The following SIGLEC12 variants were observed in gnomAD, a reference collection of about 807,000 sequenced individuals.
The protein encoded by SIGLEC12 is sialic acid-binding Ig-like lectin 12.
SIGLEC12 carries 43 observed loss-of-function variants against 54.1 expected under a neutral mutation model. That is an observed-to-expected ratio of 0.80 (90% CI 0.62 to 1.03). SIGLEC12 has a LOEUF of 1.03. Ranked by LOEUF, SIGLEC12 falls within the 50% of genes least tolerant of loss-of-function variation. The pLI is 0.00. For missense variants in SIGLEC12, 802 were observed against 735.2 expected (o/e 1.09, Z -1.05); for synonymous variants, 357 against 307.6 (o/e 1.16, Z -1.68).
At chr19:51,495,358 CGGGT>C (rs1328895771) in intron 7 of SIGLEC12, among the ~76,000 whole-genome samples, 3 of 25,712 alleles carry the variant, frequency 1.2e-4, no homozygotes, top group African/African-American at 4.3e-4. Context: ...GATGGACAGA[CGGGT>C]GGGTGGATGG....
chr19:51,499,307 G>A (rs772724572), intron 3 of SIGLEC12, 90 bp from the exon 4 acceptor site: 27 of 1,583,316 alleles, frequency 1.7e-5, no homozygotes, highest in Non-Finnish European at 2.2e-5. Flanking sequence ...GGGGAAGGTG[G>A]AGCCAGCATC....
In SIGLEC12 at chr19:51,491,632, T is replaced by C; in HGVS notation, c.*9A>G. 2.5e-6 allele frequency: 4 copies of C among 1,613,992 alleles called. No homozygotes were observed. Among genetic ancestry groups the C allele is most frequent in the Non-Finnish European group, 3.4e-6 (4 of 1,179,974 alleles). On this transcript the variant is annotated 3_prime_UTR_variant, in exon 8 of 8. Transcript: ENST00000291707. The stretch of plus-strand genomic sequence containing the variant: ...GAGCCCTCAAACAGGCCTGAGTCTC[T>C]GCAGTTTCTCACTTGGGGATGTTGA...
intron 7 of SIGLEC12, 95 bp downstream of exon 7, chr19:51,496,784 AG>A: frequency 2.1e-6 from 3 of 1,409,272 alleles, no homozygotes; most frequent in Non-Finnish European, 3.0e-6. Context: ...TTTCGGCTGT[AG>A]GGGAAGAAAG....
chr19:51,495,080 G>T (rs73051325), intron 7 of SIGLEC12, among the ~76,000 whole-genome samples: 17,004 of 150,948 alleles, frequency 0.11, 1,112 homozygotes, highest in Middle Eastern at 0.25. Context: ...TAATAAAGTT[G>T]AGGTGGTAAA....
rs749672018 is a variant in SIGLEC12 at position 51,499,648 on chromosome 19, A to T, written c.877T>A (p.Cys293Ser). The T allele has an allele frequency of 6.2e-7, 1 of 1,614,018 alleles. No homozygotes were observed. Among genetic ancestry groups the T allele is most frequent in the Non-Finnish European group, 8.5e-7 (1 of 1,179,956 alleles). The change falls in exon 3 of 8, where the codon TGC (cysteine) becomes AGC (serine). Residue 293 changes from cysteine (C) to serine (S), a missense_variant. Coordinates refer to ENST00000291707, the MANE Select transcript of SIGLEC12 (RefSeq NM_053003.4). ...TGTTCACAGGCCCAGGGCACAGAGC[A>T]GGTCAGGTTCCTGGGGTGGCCAGAC... ...LESGHPRNLT[C>S]SVPWACEQGT...
At chr19:51,491,965 TC>T in intron 7 of SIGLEC12, 136 bp from the exon 8 acceptor site, 1 of 585,524 alleles carries the variant, frequency 1.7e-6, no homozygotes, top group South Asian at 2.7e-5. Flanking sequence ...TTTAATACGT[TC>T]CTCTAATGTC....
chr19:51,492,193 G>A (rs1264029562), intron 7 of SIGLEC12, among the ~76,000 whole-genome samples: 1 of 152,216 alleles, frequency 6.6e-6, no homozygotes, highest in Non-Finnish European at 1.5e-5. Flanking sequence ...CCTCCTGTGT[G>A]TGAGTTCCTG....
At chr19:51,495,440 G>GATGGATGT (rs1253344140) in intron 7 of SIGLEC12, among the ~76,000 whole-genome samples, 1 of 149,310 alleles carries the variant, frequency 6.7e-6, no homozygotes, top group Admixed American at 6.7e-5. Flanking sequence ...TGGATGGATG[G>GATGGATGT]ATGGACTGAC....
At chr19:51,495,691 C>T (rs1211135686) in intron 7 of SIGLEC12, among the ~76,000 whole-genome samples, 2 of 152,156 alleles carry the variant, frequency 1.3e-5, no homozygotes, top group Non-Finnish European at 2.9e-5. Context: ...AATTAAACTT[C>T]GATGAGCCCA....
chr19:51,501,387 G>A lies in SIGLEC12; in HGVS notation c.347C>T (p.Ala116Val). 1 of 1,614,146 alleles carries A rather than the reference G, an allele frequency of 6.2e-7. No individual in the cohort carries two copies. The highest frequency in any genetic ancestry group is 8.5e-7 in the Non-Finnish European group (1 of 1,180,010). The change falls in exon 1 of 8, where the codon GCA (alanine) becomes GTA (valine). Residue 116 changes from alanine (A) to valine (V), a missense_variant. Ala to Val is a moderately conservative substitution (Grantham distance 64). Coordinates refer to ENST00000291707, the MANE Select transcript of SIGLEC12 (RefSeq NM_053003.4). ...CTCTACACAAAAGACGTATGTCCCT[G>A]CATCACTCTCTCTGGTGTCTCTGAT... Reference protein sequence around the residue: ...LSIRDTRESDAGTYVFCVERG... With the variant: ...LSIRDTRESDVGTYVFCVERG...
chr19:51,497,322 C>T (rs750112548), intron 6 of SIGLEC12, 27 bp downstream of exon 6: 9 of 1,596,844 alleles, frequency 5.6e-6, no homozygotes, highest in African/African-American at 1.3e-5. Context: ...TCCCCCAAGG[C>T]TCTTCCTCCC....
intron 1 of SIGLEC12, 110 bp downstream of exon 1, chr19:51,501,197 C>G: frequency 1.7e-6 from 2 of 1,184,874 alleles, no homozygotes; most frequent in Non-Finnish European, 2.4e-6. Context: ...CCAGCTCCTC[C>G]CCTGAGTCCA....
chr19:51,496,625 C>T (rs1041129794), intron 7 of SIGLEC12, among the ~76,000 whole-genome samples: 2 of 152,076 alleles, frequency 1.3e-5, no homozygotes, highest in Admixed American at 6.5e-5. Flanking sequence ...GTGGAACGTC[C>T]CTCCAGGCCG....
At position 51,499,570 on chromosome 19, in the gene SIGLEC12, G is replaced by A. The variant is rs2122222322; in HGVS notation, c.955C>T (p.Pro319Ser). ...AGCATCGAGGAGCGAGTGATAGTGG[G>A]GTCCAGGGAGGACACGGAGGCCCCC... ...WMGASVSSLD[P>S]TITRSSMLSL... is the part of the protein sequence containing the mutation. Residue 319 changes from proline (P) to serine (S), a missense_variant, in exon 3 of 8, where the codon CCC becomes TCC. Coordinates refer to ENST00000291707, the MANE Select transcript of SIGLEC12 (RefSeq NM_053003.4). The A allele has an allele frequency of 1.9e-6, 3 of 1,612,058 alleles. No homozygotes were observed. Among genetic ancestry groups the A allele is most frequent in the Middle Eastern group, 1.7e-4 (1 of 6,032 alleles).
chr19:51,499,631 G>A lies in SIGLEC12; in HGVS notation c.894C>T (p.Ala298=), dbSNP rs1351864609. 6.2e-7 allele frequency: 1 copy of A among 1,613,914 alleles called. No homozygotes were observed. The highest frequency in any genetic ancestry group is 8.5e-7 in the Non-Finnish European group (1 of 1,179,968). Reference sequence around the variant, plus strand: ...TCGTGGGGGGCGTCCCCTGTTCACAGGCCCAGGGCACAGAGCAGGTCAGGT... The same window carrying A: ...TCGTGGGGGGCGTCCCCTGTTCACAAGCCCAGGGCACAGAGCAGGTCAGGT... ...PRNLTCSVPW[A]CEQGTPPTIT... The change falls in exon 3 of 8, where the codon GCC becomes GCT. Residue 298 remains alanine (A), a synonymous_variant. Transcript: ENST00000291707.
At position 51,498,026 on chromosome 19, in the gene SIGLEC12, T is replaced by A. The variant is rs151117055; in HGVS notation, c.1397A>T (p.Glu466Val). The change falls in exon 5 of 8, where the codon GAG becomes GTG. Residue 466 changes from glutamate to valine, a missense_variant. Physicochemically the swap from Glu to Val is moderately radical, Grantham distance 121. Transcript: ENST00000291707. ...GACCCTCCCCTACCCACCTGTGTAC[T>A]CGTTTTGCAGGGAGAGGCTCAGGGA... ...HISLSLSLQNEYTGKMRPISG... is the reference protein window; with the variant it reads ...HISLSLSLQNVYTGKMRPISG... 1 of 1,614,232 alleles carries A rather than the reference T, an allele frequency of 6.2e-7. No homozygotes were observed. The highest frequency in any genetic ancestry group is 8.5e-7 in the Non-Finnish European group (1 of 1,180,028).
rs765580092 is a variant in SIGLEC12, at chr19:51,501,698, G to A, written c.36C>T (p.Leu12=). The change falls in exon 1 of 8, where the codon CTC becomes CTT. Residue 12 remains leucine, a synonymous_variant. Coordinates refer to ENST00000291707, the MANE Select transcript of SIGLEC12 (RefSeq NM_053003.4). The part of the protein sequence containing the change: ...LLLLLLLPPL[L]CGRVGAKEQK... ...GTTCCTTAGCCCCCACTCTCCCACA[G>A]AGCAGGGGTGGCAGCAGTAGCAGCA... 8.7e-6 allele frequency: 14 copies of A among 1,612,296 alleles called. No individual in the cohort carries two copies. Among genetic ancestry groups the A allele is most frequent in the Non-Finnish European group, 1.2e-5 (14 of 1,178,606 alleles).
chr19:51,501,383 C>G lies in SIGLEC12; in HGVS notation c.351G>C (p.Gly117=). The G allele has an allele frequency of 6.2e-7, 1 of 1,614,214 alleles. No individual in the cohort carries two copies. The highest frequency in any genetic ancestry group is 8.5e-7 in the Non-Finnish European group (1 of 1,180,042). Residue 117 remains glycine (G), a synonymous_variant, in exon 1 of 8, where the codon GGG becomes GGC. Transcript: ENST00000291707. ...SIRDTRESDA[G]TYVFCVERGN... ...CTCTCTCTACACAAAAGACGTATGT[C>G]CCTGCATCACTCTCTCTGGTGTCTC...
At position 51,497,095 on chromosome 19, in the gene SIGLEC12, G is replaced by T. The variant is rs1005711842; in HGVS notation, c.1503-119C>A. The T allele has an allele frequency of 3.3e-6, 5 of 1,506,114 alleles. No individual in the cohort carries two copies. The African/African-American group carries it at 6.9e-5, about 21-fold the overall frequency. 93.3% of individuals were successfully genotyped at this position (1,506,114 alleles called of 1,614,324 possible). ...GAGGGGTAACTGAGGCGGGAGGGGA[G>T]TGGTCCCATTCCAGAGACCCCAATG... On this transcript the variant is annotated intron_variant, in intron 6 of 7. Coordinates refer to ENST00000291707, the MANE Select transcript of SIGLEC12 (RefSeq NM_053003.4).
Sources: allele counts gnomAD v4.1 joint callset (sites outside exome capture counted in the v4.1 genomes callset), GRCh38; gene constraint gnomAD v4.1.1; transcripts MANE v1.5; gene names NCBI Gene and HGNC (gene_info 2026-07-23, HGNC 2026-07-21).